The following FCHSD2 variants were observed in gnomAD, a reference collection of about 807,000 sequenced individuals.
FCHSD2 encodes FCH and double SH3 domains 2, also known as F-BAR and double SH3 domains protein 2.
A neutral mutation model predicts 108.1 loss-of-function variants in FCHSD2; 38 were observed. The observed-to-expected ratio is 0.35, with a 90% CI of 0.27 to 0.46. The LOEUF is 0.46. Among genes scored for constraint, FCHSD2 ranks in the 20% least tolerant of loss-of-function variants. The pLI, the probability that FCHSD2 is intolerant of heterozygous loss-of-function variation, is 1.00. For synonymous variants in FCHSD2, 279 were observed against 314.7 expected (o/e 0.89, Z 1.20); for missense variants, 751 against 897.8 (o/e 0.84, Z 2.09).
intron 8 of FCHSD2, among the ~76,000 whole-genome samples, chr11:72,968,062 G>A (rs972550537): frequency 6.7e-6 from 1 of 149,310 alleles, no homozygotes; most frequent in Non-Finnish European, 1.5e-5. Flanking sequence ...CTGCACTCCA[G>A]CCTGGGCAAC....
intron 3 of FCHSD2, among the ~76,000 whole-genome samples, chr11:73,031,020 A>G (rs2135451012): frequency 6.6e-6 from 1 of 152,162 alleles, no homozygotes; most frequent in African/African-American, 2.4e-5. Context: ...CAGAAATACT[A>G]TTCAGCCTTA....
At chr11:72,892,558 T>A (rs571979419) in intron 10 of FCHSD2, among the ~76,000 whole-genome samples, 1 of 152,172 alleles carries the variant, frequency 6.6e-6, no homozygotes, top group Non-Finnish European at 1.5e-5. Flanking sequence ...AAGATCAATA[T>A]AAATCAGGAT....
chr11:73,071,560 G>A lies in FCHSD2; in HGVS notation c.165+12135C>T, dbSNP rs183830121. ...CAAAAAAAAAAAAAAAATTAGCTGG[G>A]CATGGTGGTGTGTGCCCGTAGTCCC... On this transcript the variant is annotated intron_variant, in intron 3 of 19. Coordinates refer to ENST00000409418, the MANE Select transcript of FCHSD2 (RefSeq NM_014824.3). Among the ~76,000 whole-genome samples, 238 of 151,968 alleles carry A rather than the reference G, an allele frequency of 1.6e-3. 1 individual carries two copies. The highest frequency in any genetic ancestry group is 5.3e-3 in the African/African-American group (219 of 41,436).
At chr11:73,058,115 G>A (rs1327495107) in intron 3 of FCHSD2, among the ~76,000 whole-genome samples, 9 of 152,062 alleles carry the variant, frequency 5.9e-5, no homozygotes, top group African/African-American at 1.9e-4. Flanking sequence ...TCCTGACCTC[G>A]TGCTCCGCCT....
rs531778294 is a variant in FCHSD2 at position 72,975,655 on chromosome 11, T to A, written c.705+8433A>T. Among the ~76,000 whole-genome samples the A allele has an allele frequency of 4.6e-5, 7 of 152,300 alleles. No homozygotes were observed. The South Asian group carries it at 1.5e-3, about 32-fold the overall frequency. On this transcript the variant is annotated intron_variant, in intron 8 of 19. Coordinates refer to ENST00000409418, the MANE Select transcript of FCHSD2 (RefSeq NM_014824.3). ...AAATATATAGTTATTATGTATCAAT[T>A]TTAGAAAGGATTTGTATATTAATGT...
Position 73,141,892 on chromosome 11 carries a change from A to G in FCHSD2, c.-15T>C. 6.5e-7 allele frequency: 1 copy of G among 1,542,574 alleles called. No homozygotes were observed. Among genetic ancestry groups the G allele is most frequent in the Non-Finnish European group, 8.7e-7 (1 of 1,145,084 alleles). ...GGCGGCTGCATGATGCTGAAGGGACATCAATCCTCCCCGACGGCAGCGTTA... is the reference window on the plus strand; with the variant it reads ...GGCGGCTGCATGATGCTGAAGGGACGTCAATCCTCCCCGACGGCAGCGTTA... On this transcript the variant is annotated 5_prime_UTR_variant, in exon 1 of 20. An upstream start codon of the reference 5' UTR is lost. Transcript: ENST00000409418.
chr11:72,843,825 ATAAATAAATAAATAAG>A (rs1209942430), intron 14 of FCHSD2, among the ~76,000 whole-genome samples: 1 of 151,998 alleles, frequency 6.6e-6, no homozygotes, highest in East Asian at 1.9e-4. Context: ...ATCTCTACCA[ATAAATAAATAAATAAG>A]TAAATAAATA....
chr11:73,060,678 G>GA (rs557243350), intron 3 of FCHSD2, among the ~76,000 whole-genome samples: 129 of 152,176 alleles, frequency 8.5e-4, no homozygotes, highest in Non-Finnish European at 1.5e-3. Flanking sequence ...AAATAAAAAG[G>GA]AAAAAACTAT....
chr11:72,872,423 A>C (rs1255068208), intron 12 of FCHSD2, among the ~76,000 whole-genome samples: 2 of 151,952 alleles, frequency 1.3e-5, no homozygotes, highest in East Asian at 3.9e-4. Context: ...AAAAGAAACC[A>C]TGTACCATTT....
At chr11:72,972,493 A>G (rs1857026223) in intron 8 of FCHSD2, among the ~76,000 whole-genome samples, 1 of 152,196 alleles carries the variant, frequency 6.6e-6, no homozygotes, top group South Asian at 2.1e-4. Context: ...GAAAACACAC[A>G]AAGAGGAAAC....
chr11:72,900,715 T>C (rs1471220015), intron 10 of FCHSD2, among the ~76,000 whole-genome samples: 1 of 150,754 alleles, frequency 6.6e-6, no homozygotes, highest in Non-Finnish European at 1.5e-5. Context: ...AAGGTTGTAA[T>C]ATAGAGGGAA....
chr11:72,928,634 C>T (rs1398189520), intron 8 of FCHSD2, among the ~76,000 whole-genome samples: 2 of 152,166 alleles, frequency 1.3e-5, no homozygotes, highest in Admixed American at 6.5e-5. Context: ...CTTCTATGTG[C>T]TGTATGGGTA....
intron 5 of FCHSD2, among the ~76,000 whole-genome samples, chr11:72,998,887 C>T (rs995818209): frequency 6.6e-5 from 10 of 152,152 alleles, no homozygotes; most frequent in African/African-American, 2.4e-4. Flanking sequence ...CCAAATGATG[C>T]AGCTGCTATG....
chr11:73,044,221 C>A (rs939137983), intron 3 of FCHSD2, among the ~76,000 whole-genome samples: 1 of 152,056 alleles, frequency 6.6e-6, no homozygotes, highest in African/African-American at 2.4e-5. Context: ...CTGTAAAATT[C>A]TATGATTATT....
At chr11:73,024,204 A>C (rs1439133867) in intron 3 of FCHSD2, among the ~76,000 whole-genome samples, 1 of 152,178 alleles carries the variant, frequency 6.6e-6, no homozygotes, top group African/African-American at 2.4e-5. Flanking sequence ...CGAAGATAGA[A>C]TGCAGACTGT....
rs181141546 is a variant in FCHSD2, at chr11:72,914,836, T to C, written c.828+6992A>G. On this transcript the variant is annotated intron_variant, in intron 9 of 19. Coordinates refer to ENST00000409418, the MANE Select transcript of FCHSD2 (RefSeq NM_014824.3). ...GACATAGGCATGGGCAAAGATTTCA[T>C]GATGAAGATGCCAAAAGCAATTGCA... is the stretch of plus-strand genomic sequence containing the variant. Among the ~76,000 whole-genome samples the C allele has an allele frequency of 1.1e-4, 16 of 152,240 alleles. No homozygotes were observed. In the East Asian group the frequency reaches 2.9e-3, roughly 28 times the overall value.
At chr11:72,957,134 T>C (rs1856728502) in intron 8 of FCHSD2, among the ~76,000 whole-genome samples, 1 of 150,440 alleles carries the variant, frequency 6.6e-6, no homozygotes, top group South Asian at 2.1e-4. Context: ...CTGCACCCAC[T>C]AACTCGTCAG....
intron 2 of FCHSD2, among the ~76,000 whole-genome samples, chr11:73,121,963 G>A (rs1565100623): frequency 6.6e-6 from 1 of 152,094 alleles, no homozygotes; most frequent in African/African-American, 2.4e-5. Flanking sequence ...TACTTAACCT[G>A]AAAAGTACTT....
At chr11:73,084,495 A>C (rs949917747) in intron 2 of FCHSD2, among the ~76,000 whole-genome samples, 2 of 151,954 alleles carry the variant, frequency 1.3e-5, no homozygotes, top group African/African-American at 4.8e-5. Context: ...GGCTCAAGAG[A>C]TCTTCCCACC....
Sources: allele counts gnomAD v4.1 joint callset (sites outside exome capture counted in the v4.1 genomes callset), GRCh38; gene constraint gnomAD v4.1.1; transcripts MANE v1.5; gene names NCBI Gene and HGNC (gene_info 2026-07-23, HGNC 2026-07-21).